ATP10A: variants seen among roughly 807,000 people sequenced by gnomAD.
The protein encoded by ATP10A is phospholipid-transporting ATPase VA.
In ATP10A, 111 loss-of-function variants were observed where a neutral mutation model predicts 147.8. That is an observed-to-expected ratio of 0.75 (90% CI 0.64 to 0.88). The LOEUF is 0.88. ATP10A is among the 40% of genes least tolerant of loss of function. The pLI, the probability that ATP10A is intolerant of heterozygous loss-of-function variation, is 0.00. For synonymous variants in ATP10A, 875 were observed against 841.6 expected (o/e 1.04, Z -0.69); for missense variants, 1,927 against 1,959.0 (o/e 0.98, Z 0.31).
intron 2 of ATP10A, among the ~76,000 whole-genome samples, chr15:25,763,206 T>G (rs1196740779): frequency 6.6e-6 from 1 of 152,246 alleles, no homozygotes; most frequent in Non-Finnish European, 1.5e-5. Flanking sequence ...ATTAACCTGC[T>G]GAGAATAAGG....
intron 1 of ATP10A, among the ~76,000 whole-genome samples, chr15:25,820,651 T>C (rs561635883): frequency 6.6e-6 from 1 of 152,210 alleles, no homozygotes; most frequent in Non-Finnish European, 1.5e-5. Context: ...TGGGAAAAAA[T>C]GTTTTAAAAA....
chr15:25,711,419 G>A (rs1596732694), intron 10 of ATP10A, among the ~76,000 whole-genome samples: 1 of 152,110 alleles, frequency 6.6e-6, no homozygotes, highest in African/African-American at 2.4e-5. Flanking sequence ...CCAAGTAAAA[G>A]GCGAATGATC....
chr15:25,751,138 C>T (rs1888137025), intron 2 of ATP10A, among the ~76,000 whole-genome samples: 1 of 152,016 alleles, frequency 6.6e-6, no homozygotes, highest in Non-Finnish European at 1.5e-5. Flanking sequence ...TAAGGTTATG[C>T]TGTAACTAGT....
intron 1 of ATP10A, among the ~76,000 whole-genome samples, chr15:25,832,219 G>C (rs939484221): frequency 6.6e-6 from 1 of 152,208 alleles, no homozygotes; most frequent in Admixed American, 6.5e-5. Flanking sequence ...ACAGGAGCAC[G>C]GCCCTGCCCA....
chr15:25,754,660 A>G (rs905934932), intron 2 of ATP10A, among the ~76,000 whole-genome samples: 5 of 152,180 alleles, frequency 3.3e-5, no homozygotes, highest in African/African-American at 1.2e-4. Context: ...CCAATATCCG[A>G]CATAAAAATT....
intron 2 of ATP10A, among the ~76,000 whole-genome samples, chr15:25,740,631 G>A (rs1773719210): frequency 6.6e-6 from 1 of 152,210 alleles, no homozygotes; most frequent in Non-Finnish European, 1.5e-5. Flanking sequence ...AGGTCCCCCT[G>A]GTTCACTTCC....
chr15:25,683,770 G>C, intron 16 of ATP10A: 7 of 476,416 alleles, frequency 1.5e-5, no homozygotes, highest in Non-Finnish European at 2.3e-5. Flanking sequence ...TTTTGTGCTT[G>C]ACAAGCTCTG....
chr15:25,822,198 T>C (rs946261233), intron 1 of ATP10A, among the ~76,000 whole-genome samples: 1 of 152,150 alleles, frequency 6.6e-6, no homozygotes, highest in African/African-American at 2.4e-5. Flanking sequence ...GACCCAGTGA[T>C]TTTTGTCTTT....
Position 25,714,034 on chromosome 15 carries a change from T to C in ATP10A, c.1984A>G (p.Thr662Ala). ...LRLEERLGQP[T>A]SAIASNGYSS... ...TAGCCGTTGCTGGCGATGGCCGAGG[T>C]GGGCTGGCCCAGCCTCTCCTCCAGC... The change falls in exon 10 of 21, where the codon ACC becomes GCC. Residue 662 changes from threonine to alanine, a missense_variant. Physicochemically the swap from Thr to Ala is moderately conservative, Grantham distance 58 (BLOSUM62 0). Coordinates refer to ENST00000555815, the MANE Select transcript of ATP10A (RefSeq NM_024490.4). 1 of 1,611,226 alleles carries C rather than the reference T, an allele frequency of 6.2e-7. No individual in the cohort carries two copies. Among genetic ancestry groups the C allele is most frequent in the South Asian group, 1.1e-5 (1 of 91,066 alleles).
downstream of ATP10A, among the ~76,000 whole-genome samples, chr15:25,675,206 A>C (rs1055538286): frequency 6.6e-6 from 1 of 152,186 alleles, no homozygotes; most frequent in African/African-American, 2.4e-5. Context: ...AGTCTGAGCC[A>C]TGTCGTACAC....
intron 2 of ATP10A, among the ~76,000 whole-genome samples, chr15:25,756,409 C>T (rs776412008): frequency 2.6e-5 from 4 of 152,236 alleles, no homozygotes; most frequent in East Asian, 1.9e-4. Context: ...TTTGGGAGGC[C>T]GAGGCGAGCG....
chr15:25,751,709 C>T (rs562202418), intron 2 of ATP10A, among the ~76,000 whole-genome samples: 10 of 152,106 alleles, frequency 6.6e-5, no homozygotes, highest in South Asian at 2.1e-4. Flanking sequence ...AGACAACCTG[C>T]GAATTGGGAG....
At chr15:25,729,919 C>T (rs144637400) in intron 3 of ATP10A, among the ~76,000 whole-genome samples, 8 of 152,092 alleles carry the variant, frequency 5.3e-5, no homozygotes, top group Admixed American at 3.3e-4. Flanking sequence ...GAAGGCTGCC[C>T]GGCCCTTGGC....
chr15:25,835,788 C>G (rs566055762), intron 1 of ATP10A, among the ~76,000 whole-genome samples: 1 of 152,154 alleles, frequency 6.6e-6, no homozygotes, highest in South Asian at 2.1e-4. Context: ...CGTGCCACCA[C>G]GCCCAGCTAA....
intron 1 of ATP10A, among the ~76,000 whole-genome samples, chr15:25,813,791 G>GA (rs1891532216): frequency 6.7e-6 from 1 of 149,236 alleles, no homozygotes; most frequent in Non-Finnish European, 1.5e-5. Flanking sequence ...CATCACGAAA[G>GA]AAAAAAAAGT....
chr15:25,724,169 AAC>A (rs2140434726), intron 5 of ATP10A, 148 bp from the exon 6 acceptor site: 2 of 842,686 alleles, frequency 2.4e-6, no homozygotes, highest in East Asian at 2.8e-5. Flanking sequence ...AGAAAGCGAA[AAC>A]ACAATGTTCT....
rs201691071 is a variant in ATP10A at position 25,680,801 on chromosome 15, G to A, written c.3678+9C>T. 13 of 1,608,698 alleles carry A rather than the reference G, an allele frequency of 8.1e-6. No homozygotes were observed. Among genetic ancestry groups the A allele is most frequent in the African/African-American group, 4.0e-5 (3 of 74,856 alleles). On this transcript the variant is annotated intron_variant, in intron 19 of 20. Transcript: ENST00000555815. The stretch of plus-strand genomic sequence containing the variant: ...TCTTCTGAGACGTGGCCATGCAGGC[G>A]GCTCTTACCCAGGTTTTGGTTTCAA...
intron 2 of ATP10A, among the ~76,000 whole-genome samples, chr15:25,767,185 A>G (rs930832428): frequency 6.6e-6 from 1 of 152,202 alleles, no homozygotes; most frequent in African/African-American, 2.4e-5. Flanking sequence ...TGAGAGTGCC[A>G]AGGTTAGAAC....
intron 1 of ATP10A, among the ~76,000 whole-genome samples, chr15:25,850,168 A>T (rs143210900): frequency 9.8e-5 from 15 of 152,316 alleles, no homozygotes; most frequent in African/African-American, 3.6e-4. Context: ...TGTGTATGAG[A>T]CATTCTGGAA....
Sources: gnomAD v4.1 joint callset for allele counts (sites outside exome capture counted in the v4.1 genomes callset) on GRCh38, gnomAD v4.1.1 for gene constraint, MANE v1.5 for transcripts, NCBI Gene and HGNC (gene_info 2026-07-23, HGNC 2026-07-21) for gene names.